The following DLGAP2 variants were observed in gnomAD, a reference collection of about 807,000 sequenced individuals.
DLGAP2 encodes the protein disks large-associated protein 2.
Under a neutral mutation model 100.3 loss-of-function variants are expected in DLGAP2, and 26 were observed. The ratio of observed to expected loss-of-function variants is 0.26; its 90% CI spans 0.19 to 0.36. The LOEUF (loss-of-function observed/expected upper bound fraction) is 0.36, where lower values mean the gene tolerates loss of function less well. DLGAP2 is among the 10% of genes least tolerant of loss of function. The pLI, the probability that DLGAP2 is intolerant of heterozygous loss-of-function variation, is 1.00. For missense variants in DLGAP2, 1,858 were observed against 1,453.2 expected (o/e 1.28, Z -4.53); for synonymous variants, 886 against 630.1 (o/e 1.41, Z -6.08).
chr8:1,200,126 C>T lies in DLGAP2; in HGVS notation c.74-58725C>T, dbSNP rs76955157. Among the ~76,000 whole-genome samples the T allele has an allele frequency of 7.8e-3, 1,186 of 152,158 alleles. 17 individuals carry two copies. Among genetic ancestry groups the T allele is most frequent in the African/African-American group, 0.027 (1,104 of 41,512 alleles). The stretch of plus-strand genomic sequence containing the variant: ...GGGTCGGGGGCGTGGGGGCCGGGAG[C>T]GGATCCCTGCACAGGCCCACAGGAG... On this transcript the variant is annotated intron_variant, in intron 2 of 14. Transcript: ENST00000637795.
intron 1 of DLGAP2, among the ~76,000 whole-genome samples, chr8:841,542 C>T (rs1796983930): frequency 6.6e-6 from 1 of 152,152 alleles, no homozygotes; most frequent in South Asian, 2.1e-4. Flanking sequence ...GTCATTGTTT[C>T]TAGACCCTTG....
intron 2 of DLGAP2, among the ~76,000 whole-genome samples, chr8:1,186,630 C>T (rs940757956): frequency 2.6e-5 from 4 of 151,962 alleles, no homozygotes; most frequent in Admixed American, 6.6e-5. Flanking sequence ...TACTCCACTC[C>T]GTTGTGAGTA....
At chr8:1,057,988 A>G (rs535279784) in intron 2 of DLGAP2, among the ~76,000 whole-genome samples, 2 of 152,246 alleles carry the variant, frequency 1.3e-5, no homozygotes, top group East Asian at 1.9e-4. Flanking sequence ...GTGGCTCTAC[A>G]TGAACCTAAG....
At chr8:914,184 G>A (rs1342691963) in intron 2 of DLGAP2, among the ~76,000 whole-genome samples, 2 of 152,136 alleles carry the variant, frequency 1.3e-5, no homozygotes, top group Admixed American at 6.5e-5. Context: ...TGTGATTCAC[G>A]CAGTGAGAAC....
intron 1 of DLGAP2, among the ~76,000 whole-genome samples, chr8:747,024 G>C (rs1173272793): frequency 6.6e-6 from 1 of 152,052 alleles, no homozygotes; most frequent in African/African-American, 2.4e-5. Context: ...GCTAGGAAGG[G>C]AAATGGGCCC....
chr8:1,031,994 G>A (rs1168724632), intron 2 of DLGAP2, among the ~76,000 whole-genome samples: 1 of 152,170 alleles, frequency 6.6e-6, no homozygotes, highest in Non-Finnish European at 1.5e-5. Context: ...GTGTTTCCCG[G>A]GCCCTTGTGT....
intron 2 of DLGAP2, among the ~76,000 whole-genome samples, chr8:1,185,083 CT>C (rs1797470848): frequency 6.6e-6 from 1 of 152,114 alleles, no homozygotes; most frequent in Non-Finnish European, 1.5e-5. Flanking sequence ...GGTTCTGCGT[CT>C]TGCGGCCTCT....
At chr8:980,724 C>G (rs964617039) in intron 2 of DLGAP2, among the ~76,000 whole-genome samples, 2 of 152,064 alleles carry the variant, frequency 1.3e-5, no homozygotes, top group Non-Finnish European at 2.9e-5. Flanking sequence ...TCCGGGAGGA[C>G]ACGCTGGCTC....
At chr8:1,613,787 T>C (rs1454447526) in intron 6 of DLGAP2, among the ~76,000 whole-genome samples, 1 of 152,186 alleles carries the variant, frequency 6.6e-6, no homozygotes, top group East Asian at 1.9e-4. Flanking sequence ...TCTGAATTCA[T>C]GTCCACCCTG....
intron 9 of DLGAP2, 149 bp from the exon 10 acceptor site, chr8:1,669,594 C>T: frequency 1.5e-6 from 1 of 670,970 alleles, no homozygotes; most frequent in East Asian, 2.6e-5. Flanking sequence ...CTGGGGCGGC[C>T]CAGGGAGGAG....
Position 766,623 on chromosome 8 carries a change from A to G in DLGAP2, c.18+28798A>G, listed in dbSNP as rs146332198. Among the ~76,000 whole-genome samples, 195 of 152,286 alleles carry G rather than the reference A, an allele frequency of 1.3e-3. 1 individual carries two copies. Among genetic ancestry groups the G allele is most frequent in the African/African-American group, 4.4e-3 (182 of 41,558 alleles). On this transcript the variant is annotated intron_variant, in intron 1 of 14. Transcript: ENST00000637795. ...TCTCTCTGGGCAAGCACGCACATGC[A>G]TGATACTTGGAGTGATCATGTCCGT...
intron 3 of DLGAP2, among the ~76,000 whole-genome samples, chr8:1,492,388 C>T (rs1344527359): frequency 2.0e-5 from 3 of 152,294 alleles, no homozygotes; most frequent in South Asian, 4.1e-4. Flanking sequence ...TAGGCTCGAG[C>T]GTGCTTTCTG....
rs554300973 is a variant in DLGAP2, at chr8:1,130,826, C to T, written c.74-128025C>T. Among the ~76,000 whole-genome samples, 55 of 140,548 alleles carry T rather than the reference C, an allele frequency of 3.9e-4. 1 individual carries two copies. The highest frequency in any genetic ancestry group is 7.1e-3 in the Middle Eastern group (2 of 282). 92.2% of individuals were successfully genotyped at this position (140,548 alleles called of 152,430 possible). A position where few individuals can be genotyped will look rare whatever the true frequency, so the allele number is the denominator to read the frequency against. ...CTCTGCAGCGGCTGGGCTGAGAGAC[C>T]GGAGATGGGCCTCCCTGATGAGGGG... On this transcript the variant is annotated intron_variant, in intron 2 of 14. Coordinates refer to ENST00000637795, the MANE Select transcript of DLGAP2 (RefSeq NM_001346810.2).
chr8:1,463,171 T>C (rs1178144423), intron 3 of DLGAP2, among the ~76,000 whole-genome samples: 1 of 152,040 alleles, frequency 6.6e-6, no homozygotes, highest in African/African-American at 2.4e-5. Context: ...ATCGCTTGAA[T>C]CCAGGAGATG....
At chr8:1,253,942 C>T (rs1485614350) in intron 2 of DLGAP2, among the ~76,000 whole-genome samples, 2 of 152,184 alleles carry the variant, frequency 1.3e-5, no homozygotes, top group Non-Finnish European at 2.9e-5. Context: ...TGAAGATGAA[C>T]TGTGGGGAAA....
chr8:1,486,795 T>C (rs762942520), intron 3 of DLGAP2, among the ~76,000 whole-genome samples: 3 of 152,260 alleles, frequency 2.0e-5, no homozygotes, highest in Admixed American at 6.5e-5. Flanking sequence ...AATCATGCAT[T>C]TGAGTCACAA....
At chr8:1,336,572 C>T (rs1801280124) in intron 3 of DLGAP2, among the ~76,000 whole-genome samples, 1 of 152,214 alleles carries the variant, frequency 6.6e-6, no homozygotes. Context: ...CTGGGCTTGG[C>T]ACAACTGGTT....
intron 1 of DLGAP2, among the ~76,000 whole-genome samples, chr8:823,119 C>T (rs1796617275): frequency 6.6e-6 from 1 of 152,082 alleles, no homozygotes; most frequent in South Asian, 2.1e-4. Flanking sequence ...TTTTACGTCT[C>T]ACTTGGTGGC....
At chr8:1,206,794 C>G (rs1008167448) in intron 2 of DLGAP2, among the ~76,000 whole-genome samples, 1 of 152,210 alleles carries the variant, frequency 6.6e-6, no homozygotes, top group African/African-American at 2.4e-5. Flanking sequence ...CATTCTTTGT[C>G]TGCACCTGCA....
Sources: allele counts gnomAD v4.1 joint callset (sites outside exome capture counted in the v4.1 genomes callset), GRCh38; gene constraint gnomAD v4.1.1; transcripts MANE v1.5; gene names NCBI Gene and HGNC (gene_info 2026-07-23, HGNC 2026-07-21).